Variants in FADS2 observed in about 807,000 individuals in gnomAD.
FADS2 encodes the protein acyl-CoA 6-desaturase.
Under a neutral mutation model 61.2 loss-of-function variants are expected in FADS2, and 18 were observed. That is an observed-to-expected ratio of 0.29 (90% CI 0.20 to 0.44). The LOEUF (loss-of-function observed/expected upper bound fraction) is 0.44. Ranked by LOEUF, FADS2 falls within the 20% of genes least tolerant of loss-of-function variation. The pLI is 1.00. For missense variants in FADS2, 322 were observed against 572.7 expected (o/e 0.56, Z 4.47); for synonymous variants, 203 against 223.9 (o/e 0.91, Z 0.83).
At chr11:61,860,330 C>T (rs1007647715) in intron 7 of FADS2, among the ~76,000 whole-genome samples, 6 of 152,192 alleles carry the variant, frequency 3.9e-5, no homozygotes, top group Non-Finnish European at 8.8e-5. Context: ...GTGACAAACC[C>T]TAAGATCTTT....
At chr11:61,838,078 A>T (rs1215301109) in intron 2 of FADS2, among the ~76,000 whole-genome samples, 190 bp downstream of exon 2, 1 of 152,130 alleles carries the variant, frequency 6.6e-6, no homozygotes, top group Admixed American at 6.5e-5. Context: ...CCGGGGTTTG[A>T]CAACAACTAG....
chr11:61,858,523 AAAATTTTTCCTTTTTTTTAAAAT>A (rs989738683), intron 7 of FADS2, among the ~76,000 whole-genome samples: 1 of 151,830 alleles, frequency 6.6e-6, no homozygotes, highest in Admixed American at 6.6e-5. Context: ...TGGATTCTTG[AAAATTTTTCCTTTTTTTTAAAAT>A]AGGGACATTG....
chr11:61,857,578 G>T, intron 7 of FADS2, 48 bp downstream of exon 7: 1 of 1,542,150 alleles, frequency 6.5e-7, no homozygotes, highest in South Asian at 1.1e-5. Context: ...GGGTGACTGG[G>T]ACAGGGGGAC....
At chr11:61,851,035 C>T (rs943070611) in intron 5 of FADS2, among the ~76,000 whole-genome samples, 4 of 152,204 alleles carry the variant, frequency 2.6e-5, no homozygotes, top group Non-Finnish European at 5.9e-5. Context: ...CTTTGGAAGC[C>T]TCTCTAAGCT....
intron 8 of FADS2, 33 bp downstream of exon 8, chr11:61,863,102 C>T (rs776682449): frequency 6.3e-7 from 1 of 1,578,144 alleles, no homozygotes; most frequent in South Asian, 1.1e-5. Context: ...TCCCTGGGCC[C>T]TCCACTGGCA....
At chr11:61,834,988 CA>C (rs149597144) in intron 1 of FADS2, among the ~76,000 whole-genome samples, 21,684 of 108,680 alleles carry the variant, frequency 0.2, 2,839 homozygotes, top group Admixed American at 0.34. Flanking sequence ...CCTGCCCCCC[CA>C]CCCCAGCCCT....
At chr11:61,843,957 G>A (rs538976395) in intron 4 of FADS2, among the ~76,000 whole-genome samples, 7 of 151,932 alleles carry the variant, frequency 4.6e-5, no homozygotes, top group South Asian at 2.1e-4. Context: ...CACCACGCCC[G>A]GCCTGCAATA....
chr11:61,830,992 C>T (rs1272331640), intron 1 of FADS2, among the ~76,000 whole-genome samples: 1 of 152,220 alleles, frequency 6.6e-6, no homozygotes, highest in Non-Finnish European at 1.5e-5. Context: ...CCCAGAGCTT[C>T]CTGTCTTCTA....
At chr11:61,863,467 G>T in intron 9 of FADS2, 89 bp downstream of exon 9, 2 of 1,066,712 alleles carry the variant, frequency 1.9e-6, no homozygotes, top group South Asian at 1.3e-5. Flanking sequence ...ACAGGGCTGT[G>T]CTGGGCCTCC....
intron 1 of FADS2, among the ~76,000 whole-genome samples, chr11:61,829,822 A>G (rs1011002829): frequency 3.3e-5 from 5 of 152,124 alleles, no homozygotes; most frequent in African/African-American, 1.2e-4. Flanking sequence ...CCGACCCTTA[A>G]CTTCCCCACC....
chr11:61,816,253 C>T (rs913852605), upstream of FADS2: 13 of 1,597,492 alleles, frequency 8.1e-6, no homozygotes, highest in African/African-American at 1.3e-5. The surrounding 1 kb of genome is among the most constrained non-coding windows in gnomAD (Gnocchi z 7.0). Context: ...TCTGTCCCCG[C>T]CCAGAGACCT....
In FADS2 at chr11:61,865,324, G is replaced by A; in HGVS notation, c.1283+47G>A. On this transcript the variant is annotated intron_variant, in intron 11 of 11. Coordinates refer to ENST00000278840, the MANE Select transcript of FADS2 (RefSeq NM_004265.4). This position sits in a 1 kb window ranked among gnomAD's most constrained non-coding sequence, Gnocchi z 4.1. ...GCGCTGGGCCCTGGGATCACCCGTG[G>A]TGCAGACAGTGGGATCACAAGAGGG... 6.2e-7 allele frequency: 1 copy of A among 1,601,960 alleles called. No homozygotes were observed.
intron 5 of FADS2, among the ~76,000 whole-genome samples, chr11:61,850,302 G>T: frequency 6.6e-6 from 1 of 151,838 alleles, no homozygotes; most frequent in Non-Finnish European, 1.5e-5. Flanking sequence ...CCAGTCTAGA[G>T]TGCAGTGGCA....
intron 6 of FADS2, among the ~76,000 whole-genome samples, 162 bp downstream of exon 6, chr11:61,857,233 T>C (rs498793): frequency 0.63 from 95,319 of 151,926 alleles, 30,134 homozygotes; most frequent in East Asian, 0.91. Flanking sequence ...CCTCAGCCTG[T>C]GTTACAGGCC....
intron 1 of FADS2, chr11:61,821,393 A>G (rs2067035289): frequency 1.4e-6 from 1 of 701,686 alleles, no homozygotes; most frequent in African/African-American, 1.8e-5. Flanking sequence ...AAGAAAAAAA[A>G]AGACCTTAAT....
chr11:61,864,181 T>A, intron 10 of FADS2: 1 of 168,866 alleles, frequency 5.9e-6, no homozygotes, highest in Non-Finnish European at 1.2e-5. Flanking sequence ...TCACCTCTTG[T>A]CACTGTTTTT....
In FADS2 at chr11:61,866,859, T is replaced by G. The variant is rs2067475388; in HGVS notation, c.*1170T>G. On this transcript the variant is annotated 3_prime_UTR_variant, in exon 12 of 12. Transcript: ENST00000278840. Reference sequence around the variant, plus strand: ...CTTTCACCACATGGCCTTGCCTCGGTGGCCCTGACTGTCAGGGAGGGCCAG... The same window carrying G: ...CTTTCACCACATGGCCTTGCCTCGGGGGCCCTGACTGTCAGGGAGGGCCAG... 6.6e-6 allele frequency: 1 copy of G among 152,414 alleles called. No individual in the cohort carries two copies. 9.4% of individuals were successfully genotyped at this position (152,414 alleles called of 1,614,324 possible).
chr11:61,826,259 A>T (rs2067084486), upstream of FADS2: 1 of 702,344 alleles, frequency 1.4e-6, no homozygotes, highest in South Asian at 1.5e-5. Context: ...TGTGTCTTCA[A>T]CACATGTTTT....
At chr11:61,863,910 A>G in intron 10 of FADS2, 124 bp downstream of exon 10, 2 of 795,738 alleles carry the variant, frequency 2.5e-6, no homozygotes, top group Non-Finnish European at 2.1e-6. Context: ...TCTCTGCCCA[A>G]TATAGAGCAA....
Sources: allele counts gnomAD v4.1 joint callset (sites outside exome capture counted in the v4.1 genomes callset), GRCh38; gene constraint gnomAD v4.1.1; non-coding constraint Gnocchi (gnomAD v3.1); transcripts MANE v1.5; gene names NCBI Gene and HGNC (gene_info 2026-07-23, HGNC 2026-07-21).